Variants in EYS observed in about 807,000 individuals in gnomAD.
The protein encoded by EYS is protein eyes shut homolog.
A neutral mutation model predicts 282.1 loss-of-function variants in EYS; 250 were observed. That is an observed-to-expected ratio of 0.89 (90% CI 0.80 to 0.98). The LOEUF (loss-of-function observed/expected upper bound fraction) is 0.98, where lower values mean the gene tolerates loss of function less well. EYS is among the 50% of genes least tolerant of loss of function. The pLI, the probability that EYS is intolerant of heterozygous loss-of-function variation, is 0.00. For synonymous variants in EYS, 1,355 were observed against 1,282.9 expected, an observed-to-expected ratio of 1.06 and a Z score of -1.20; for missense variants, 4,016 against 3,709.0, an observed-to-expected ratio of 1.08 and a Z score of -2.15.
In EYS at chr6:63,915,070, T is replaced by TA. The variant is rs200251816; in HGVS notation, c.7056-50713dup. On this transcript the variant is annotated intron_variant, in intron 35 of 42. Transcript: ENST00000503581. ...TAAACAATAGATTTTTAAATGTTGATAAAATAGCCTTATATTGAAAGAAGG... is the reference window on the plus strand; with the variant it reads ...TAAACAATAGATTTTTAAATGTTGATAAAAATAGCCTTATATTGAAAGAAGG... 6.7e-3 allele frequency among the ~76,000 whole-genome samples: 1,019 copies of TA among 152,324 alleles called. 14 individuals carry two copies. Among genetic ancestry groups the TA allele is most frequent in the African/African-American group, 0.022 (917 of 41,568 alleles).
chr6:64,302,533 A>AAAAATTG (rs1366984890), intron 30 of EYS, among the ~76,000 whole-genome samples: 1 of 152,170 alleles, frequency 6.6e-6, no homozygotes, highest in African/African-American at 2.4e-5. Context: ...GGCAGCCCAC[A>AAAAATTG]AAAATTGAAA....
In EYS at chr6:64,423,025, C is replaced by A. The variant is rs530800638; in HGVS notation, c.5927+13149G>T. On this transcript the variant is annotated intron_variant, in intron 28 of 42. Coordinates refer to ENST00000503581, the MANE Select transcript of EYS (RefSeq NM_001142800.2). The stretch of plus-strand genomic sequence containing the variant: ...AATTTTGTTTTGAAAATGTTGAATG[C>A]CTGTTTTGTAAATATTTAATTCATT... 3.3e-5 allele frequency among the ~76,000 whole-genome samples: 5 copies of A among 151,774 alleles called. No homozygotes were observed. In the South Asian group the frequency reaches 1.0e-3, roughly 32 times the overall value.
intron 12 of EYS, among the ~76,000 whole-genome samples, chr6:65,119,285 C>T (rs1418803950): frequency 6.6e-6 from 1 of 152,150 alleles, no homozygotes; most frequent in Non-Finnish European, 1.5e-5. Flanking sequence ...ATCTTAGAGA[C>T]ATTTGCAAAA....
chr6:65,333,321 T>A (rs1203914150), intron 11 of EYS, among the ~76,000 whole-genome samples: 2 of 151,696 alleles, frequency 1.3e-5, no homozygotes, highest in Admixed American at 1.3e-4. Context: ...ATTATTTAAC[T>A]TCCATGTAAT....
intron 11 of EYS, chr6:65,330,832 T>G (rs1295329294): frequency 1.1e-6 from 1 of 937,642 alleles, no homozygotes; most frequent in African/African-American, 1.8e-5. Context: ...CCTATACACA[T>G]TTAGAGTCTA....
chr6:65,120,322 A>G (rs910314972), intron 12 of EYS, among the ~76,000 whole-genome samples: 1 of 151,774 alleles, frequency 6.6e-6, no homozygotes, highest in East Asian at 1.9e-4. Context: ...CCTTTTTTTA[A>G]AATAGTTTTC....
chr6:65,089,307 G>T (rs1208029762), intron 12 of EYS, among the ~76,000 whole-genome samples: 2 of 152,170 alleles, frequency 1.3e-5, no homozygotes, highest in Non-Finnish European at 2.9e-5. Context: ...CCAGGAGAGG[G>T]TGCTGTGCCT....
intron 31 of EYS, among the ~76,000 whole-genome samples, chr6:64,125,384 C>T (rs977075428): frequency 2.0e-5 from 3 of 151,002 alleles, no homozygotes; most frequent in African/African-American, 7.4e-5. Context: ...AATTATGCCC[C>T]GTTGTAAAAG....
chr6:65,387,295 G>A (rs1320486683), intron 7 of EYS, among the ~76,000 whole-genome samples: 1 of 151,812 alleles, frequency 6.6e-6, no homozygotes, highest in African/African-American at 2.4e-5. Context: ...AGCAATATCA[G>A]AACAAAATTC....
chr6:63,958,298 A>G (rs1391947555), intron 35 of EYS, among the ~76,000 whole-genome samples: 1 of 140,998 alleles, frequency 7.1e-6, no homozygotes, highest in Non-Finnish European at 1.6e-5. Context: ...GTGACAAAAG[A>G]GAAAAAATAA....
At chr6:65,490,033 G>T (rs9354255) in intron 5 of EYS, 32,143 of 152,120 alleles carry the variant, frequency 0.21, 3,698 homozygotes, top group Middle Eastern at 0.3. Context: ...TATAGGTGAC[G>T]GGTTGATGGG....
chr6:64,837,481 G>A (rs963158623), intron 19 of EYS, among the ~76,000 whole-genome samples: 3 of 150,930 alleles, frequency 2.0e-5, no homozygotes, highest in Non-Finnish European at 4.4e-5. Flanking sequence ...TCTGGTCAGA[G>A]CAATTTGGTA....
At chr6:64,782,089 T>C (rs1347153159) in intron 22 of EYS, among the ~76,000 whole-genome samples, 1 of 152,232 alleles carries the variant, frequency 6.6e-6, no homozygotes, top group Non-Finnish European at 1.5e-5. Flanking sequence ...TAAGATTTAG[T>C]GTTTACAATG....
intron 26 of EYS, among the ~76,000 whole-genome samples, chr6:64,517,274 C>A (rs530233521): frequency 1.3e-5 from 2 of 151,752 alleles, no homozygotes; most frequent in African/African-American, 4.8e-5. Context: ...ACAAAGATGT[C>A]TGTGTTGGCA....
chr6:65,368,783 A>T (rs1765016713), intron 8 of EYS, among the ~76,000 whole-genome samples: 1 of 151,652 alleles, frequency 6.6e-6, no homozygotes, highest in Non-Finnish European at 1.5e-5. Flanking sequence ...GCATAAGCCA[A>T]CTTCCCTCCC....
intron 23 of EYS, among the ~76,000 whole-genome samples, chr6:64,620,915 AAAGT>A (rs1341930430): frequency 6.6e-6 from 1 of 152,208 alleles, no homozygotes; most frequent in Non-Finnish European, 1.5e-5. Flanking sequence ...CACATAATAT[AAAGT>A]AAGTAAGTGC....
chr6:65,658,173 A>G (rs1253565166), intron 1 of EYS, among the ~76,000 whole-genome samples: 1 of 151,726 alleles, frequency 6.6e-6, no homozygotes, highest in Non-Finnish European at 1.5e-5. Flanking sequence ...CACAATATCT[A>G]TGAGGTATGC....
chr6:65,417,788 G>A (rs1767297434), intron 5 of EYS, among the ~76,000 whole-genome samples: 1 of 152,130 alleles, frequency 6.6e-6, no homozygotes, highest in East Asian at 1.9e-4. Context: ...TGAGGCACAA[G>A]GAGGATAGTC....
At chr6:64,502,492 G>A (rs912368369) in intron 26 of EYS, among the ~76,000 whole-genome samples, 12 of 152,304 alleles carry the variant, frequency 7.9e-5, no homozygotes, top group Admixed American at 6.5e-4. Flanking sequence ...AAAGTGCTGG[G>A]ATTACAGGCG....
Sources: gnomAD v4.1 joint callset for allele counts (sites outside exome capture counted in the v4.1 genomes callset) on GRCh38, gnomAD v4.1.1 for gene constraint, MANE v1.5 for transcripts, NCBI Gene and HGNC (gene_info 2026-07-23, HGNC 2026-07-21) for gene names.